SLC22A23: variants seen among roughly 807,000 people sequenced by gnomAD.
SLC22A23 encodes the protein solute carrier family 22 member 23.
Under a neutral mutation model 61.0 loss-of-function variants are expected in SLC22A23, and 26 were observed. The observed-to-expected ratio is 0.43, with a 90% CI of 0.31 to 0.59. SLC22A23 has a LOEUF of 0.59. SLC22A23 is among the 20% of genes least tolerant of loss of function. The pLI is 0.11. For missense variants in SLC22A23, 796 were observed against 934.7 expected (o/e 0.85, Z 1.94); for synonymous variants, 430 against 413.9 (o/e 1.04, Z -0.47).
chr6:3,404,334 G>A (rs1581828419), intron 3 of SLC22A23, among the ~76,000 whole-genome samples: 1 of 152,162 alleles, frequency 6.6e-6, no homozygotes, highest in African/African-American at 2.4e-5. Context: ...CTGGGCAGAT[G>A]GGTCTCAGTG....
intron 1 of SLC22A23, among the ~76,000 whole-genome samples, chr6:3,437,519 CA>C (rs923444000): frequency 1.5e-4 from 23 of 149,546 alleles, no homozygotes; most frequent in Non-Finnish European, 5.9e-5. Flanking sequence ...CTACTAAAAA[CA>C]AAAAAAAATT....
intron 1 of SLC22A23, among the ~76,000 whole-genome samples, chr6:3,451,041 T>C (rs1299714691): frequency 6.6e-6 from 1 of 152,182 alleles, no homozygotes; most frequent in East Asian, 1.9e-4. Flanking sequence ...TACCAGAAGA[T>C]TGGAGCTGGA....
chr6:3,284,855 G>A lies in SLC22A23; in HGVS notation c.1579+224C>T. 9.4e-6 allele frequency: 14 copies of A among 1,487,368 alleles called. No homozygotes were observed. In the South Asian group the frequency reaches 1.7e-4, roughly 18 times the overall value. 92.1% of individuals were successfully genotyped at this position (1,487,368 alleles called of 1,614,324 possible). On this transcript the variant is annotated intron_variant, in intron 8 of 9. Coordinates refer to ENST00000406686, the MANE Select transcript of SLC22A23 (RefSeq NM_015482.2). ...GAAGGGGCGGGGGCATGCGTGCCAAGCAGCACACAAACAGGGAAGCACCAG... is the reference window on the plus strand; with the variant it reads ...GAAGGGGCGGGGGCATGCGTGCCAAACAGCACACAAACAGGGAAGCACCAG...
intron 3 of SLC22A23, among the ~76,000 whole-genome samples, chr6:3,337,150 C>T (rs890902039): frequency 4.6e-5 from 7 of 152,308 alleles, no homozygotes; most frequent in Non-Finnish European, 8.8e-5. Flanking sequence ...CATGAGCATC[C>T]GTCATGAATG....
At chr6:3,398,287 A>G (rs1160504822) in intron 3 of SLC22A23, among the ~76,000 whole-genome samples, 2 of 152,038 alleles carry the variant, frequency 1.3e-5, no homozygotes, top group East Asian at 3.9e-4. Context: ...CAACCCTGAT[A>G]ATCTGACTTT....
At chr6:3,364,270 G>A (rs569608864) in intron 3 of SLC22A23, among the ~76,000 whole-genome samples, 14 of 152,130 alleles carry the variant, frequency 9.2e-5, no homozygotes, top group Non-Finnish European at 1.8e-4. Flanking sequence ...GAGTGCATTC[G>A]ATTTTCACGG....
At chr6:3,300,407 G>A (rs987722523) in intron 4 of SLC22A23, among the ~76,000 whole-genome samples, 2 of 152,166 alleles carry the variant, frequency 1.3e-5, no homozygotes, top group Non-Finnish European at 2.9e-5. Flanking sequence ...AAACCCCAAT[G>A]TGATAGTATT....
chr6:3,290,351 T>TGTGGGGTGG (rs988768097), intron 5 of SLC22A23: 18 of 211,860 alleles, frequency 8.5e-5, no homozygotes, highest in South Asian at 8.2e-4. Flanking sequence ...TTCTTAGCCT[T>TGTGGGGTGG]GTGGGGTGGA....
chr6:3,411,199 C>T (rs970291447), intron 2 of SLC22A23, among the ~76,000 whole-genome samples: 1 of 152,212 alleles, frequency 6.6e-6, no homozygotes, highest in East Asian at 1.9e-4. Context: ...CTTGATTAAC[C>T]GATTAGAAAT....
At chr6:3,393,641 T>C (rs766744509) in intron 3 of SLC22A23, among the ~76,000 whole-genome samples, 2 of 152,238 alleles carry the variant, frequency 1.3e-5, no homozygotes, top group Non-Finnish European at 2.9e-5. Flanking sequence ...TCCCACTTGA[T>C]TTTCCTTTTA....
intron 6 of SLC22A23, 70 bp downstream of exon 6, chr6:3,289,694 G>A: frequency 7.7e-7 from 1 of 1,299,530 alleles, no homozygotes; most frequent in Non-Finnish European, 1.1e-6. Flanking sequence ...CAGGGCCCTG[G>A]GCTTCACCAC....
chr6:3,452,425 C>T (rs1283712761), intron 1 of SLC22A23, among the ~76,000 whole-genome samples: 2 of 151,622 alleles, frequency 1.3e-5, no homozygotes, highest in East Asian at 3.9e-4. Flanking sequence ...AGACCCCCCT[C>T]TCTACAAAAA....
intron 3 of SLC22A23, among the ~76,000 whole-genome samples, chr6:3,337,045 C>G (rs1763897862): frequency 6.6e-6 from 1 of 152,100 alleles, no homozygotes; most frequent in Non-Finnish European, 1.5e-5. Context: ...TGAGCTCAAA[C>G]AATCTTCCTA....
At chr6:3,289,178 A>G (rs1760330056) in intron 6 of SLC22A23, among the ~76,000 whole-genome samples, 1 of 152,244 alleles carries the variant, frequency 6.6e-6, no homozygotes, top group Non-Finnish European at 1.5e-5. Flanking sequence ...CTAGGTACAC[A>G]CCAAGTCCAG....
chr6:3,309,213 A>T lies in SLC22A23; in HGVS notation c.1083-10995T>A, dbSNP rs192645713. On this transcript the variant is annotated intron_variant, in intron 4 of 9. Coordinates refer to ENST00000406686, the MANE Select transcript of SLC22A23 (RefSeq NM_015482.2). The surrounding 1 kb of genome is among the most constrained non-coding windows in gnomAD (Gnocchi z 4.7). ...CTATTCAGGAGGCTGAGACAGGAGA[A>T]TCGCTTGAACCCGGGAGGTTTGCAG... Among the ~76,000 whole-genome samples the T allele has an allele frequency of 9.6e-4, 146 of 152,116 alleles. No individual in the cohort carries two copies. The East Asian group carries it at 0.026, about 27-fold the overall frequency.
At chr6:3,284,918 A>G in intron 8 of SLC22A23, 161 bp downstream of exon 8, 1 of 1,540,414 alleles carries the variant, frequency 6.5e-7, no homozygotes, top group Non-Finnish European at 8.7e-7. Context: ...ATACAAATGT[A>G]TCCGTATAGT....
chr6:3,285,160 C>T (rs377475701), intron 7 of SLC22A23, 49 bp from the exon 8 acceptor site: 38 of 1,609,340 alleles, frequency 2.4e-5, no homozygotes, highest in Middle Eastern at 1.7e-4. Flanking sequence ...GCCAAGCAAG[C>T]GAGAAGAGAG....
Position 3,273,182 on chromosome 6 carries a change from T to C in SLC22A23, c.1934A>G (p.Lys645Arg). 6.2e-7 allele frequency: 1 copy of C among 1,613,152 alleles called. No homozygotes were observed. Residue 645 changes from lysine (K) to arginine (R), a missense_variant, in exon 10 of 10, where the codon AAG becomes AGG. Lys to Arg is a conservative substitution (Grantham distance 26, BLOSUM62 2). Transcript: ENST00000406686. ...GAGCAGCAGTGGCTGCTCCCCCTTC[T>C]TGTGCGGCAGCAGCGGCTGGCGCGT... The part of the protein sequence containing the change: ...HYTRQPLLPH[K>R]KGEQPLLLTN...
intron 3 of SLC22A23, among the ~76,000 whole-genome samples, chr6:3,363,714 C>T (rs891788520): frequency 6.6e-6 from 1 of 152,222 alleles, no homozygotes. Context: ...TGGCTTCAAC[C>T]GCTGCCACGT....
Sources: gnomAD v4.1 joint callset for allele counts (sites outside exome capture counted in the v4.1 genomes callset) on GRCh38, gnomAD v4.1.1 for gene constraint, Gnocchi (gnomAD v3.1) non-coding constraint, MANE v1.5 for transcripts, NCBI Gene and HGNC (gene_info 2026-07-23, HGNC 2026-07-21) for gene names.